MGAT4C: variants seen among roughly 807,000 people sequenced by gnomAD.
MGAT4C encodes MGAT4 family member C, also known as alpha-1,3-mannosyl-glycoprotein 4-beta-N-acetylglucosaminyltransferase C.
MGAT4C carries 19 observed loss-of-function variants against 40.1 expected under a neutral mutation model. That is an observed-to-expected ratio of 0.47 (90% CI 0.33 to 0.70). The LOEUF is 0.70. MGAT4C is among the 30% of genes least tolerant of loss of function. The pLI is 0.02. For missense variants in MGAT4C, 491 were observed against 563.2 expected (o/e 0.87, Z 1.30); for synonymous variants, 181 against 187.1 (o/e 0.97, Z 0.27).
intron 2 of MGAT4C, among the ~76,000 whole-genome samples, chr12:86,702,193 C>A (rs1300136383): frequency 6.7e-6 from 1 of 148,614 alleles, no homozygotes; most frequent in African/African-American, 2.4e-5. Flanking sequence ...TGCCACCACA[C>A]CCACACACCC....
intron 3 of MGAT4C, among the ~76,000 whole-genome samples, chr12:86,369,280 T>A (rs1955671839): frequency 1.3e-5 from 2 of 152,076 alleles, no homozygotes; most frequent in Non-Finnish European, 2.9e-5. Flanking sequence ...AGACAGCATA[T>A]AGTGGGATCT....
intron 1 of MGAT4C, among the ~76,000 whole-genome samples, chr12:86,147,443 G>A (rs917988553): frequency 4.6e-5 from 7 of 152,032 alleles, no homozygotes; most frequent in African/African-American, 9.7e-5. Flanking sequence ...GGGTTTCACC[G>A]TGTTAGCCAG....
chr12:86,786,371 T>C (rs948307189), intron 1 of MGAT4C, among the ~76,000 whole-genome samples: 2 of 152,108 alleles, frequency 1.3e-5, no homozygotes, highest in Admixed American at 6.6e-5. Flanking sequence ...ATAGTAGAAA[T>C]TGAGCTTTGA....
At chr12:86,632,585 G>A (rs1475213253) in intron 2 of MGAT4C, among the ~76,000 whole-genome samples, 1 of 152,026 alleles carries the variant, frequency 6.6e-6, no homozygotes, top group African/African-American at 2.4e-5. Flanking sequence ...CCATAAAAAA[G>A]GATGAGTTCA....
intron 2 of MGAT4C, among the ~76,000 whole-genome samples, chr12:86,010,303 A>G (rs1888329035): frequency 3.3e-5 from 5 of 152,222 alleles, no homozygotes; most frequent in Admixed American, 2.0e-4. Context: ...ACAAAACTGC[A>G]AGAGTTCCTA....
At chr12:86,061,485 T>C (rs1370357311) in intron 1 of MGAT4C, among the ~76,000 whole-genome samples, 3 of 135,580 alleles carry the variant, frequency 2.2e-5, no homozygotes, top group South Asian at 2.5e-4. Flanking sequence ...TTTTTTTTTT[T>C]CCATGCCCCA....
At chr12:86,815,475 T>C (rs1255921490) in intron 1 of MGAT4C, among the ~76,000 whole-genome samples, 1 of 150,650 alleles carries the variant, frequency 6.6e-6, no homozygotes, top group Non-Finnish European at 1.5e-5. Flanking sequence ...TACCATTTGA[T>C]CCAACAATCC....
At chr12:86,068,277 T>C (rs527824250) in intron 1 of MGAT4C, 114 of 152,324 alleles carry the variant, frequency 7.5e-4, no homozygotes, top group African/African-American at 2.4e-3. Flanking sequence ...CTACTCTTCA[T>C]GTCTTAATCT....
chr12:86,338,826 GCACA>G (rs1170231597), intron 3 of MGAT4C, among the ~76,000 whole-genome samples: 1 of 151,838 alleles, frequency 6.6e-6, no homozygotes, highest in Non-Finnish European at 1.5e-5. Context: ...AGGCATGGTG[GCACA>G]CACCTGTAGT....
At chr12:86,130,646 G>GAAGT (rs1321592280) in intron 1 of MGAT4C, among the ~76,000 whole-genome samples, 5 of 151,870 alleles carry the variant, frequency 3.3e-5, no homozygotes, top group Admixed American at 3.3e-4. Context: ...GACTCCAGTA[G>GAAGT]AAGTAATGTT....
chr12:86,067,788 A>G (rs1370349889), intron 1 of MGAT4C, among the ~76,000 whole-genome samples: 1 of 152,154 alleles, frequency 6.6e-6, no homozygotes, highest in African/African-American at 2.4e-5. Flanking sequence ...ATGACATTAG[A>G]CCATCTTTTT....
intron 3 of MGAT4C, among the ~76,000 whole-genome samples, chr12:86,408,479 CTATATATATATA>C (rs71076198): frequency 5.7e-4 from 36 of 63,342 alleles, no homozygotes; most frequent in East Asian, 3.4e-3. Flanking sequence ...CTCTCTCTCT[CTATATATATATA>C]TATATATATA....
intron 2 of MGAT4C, among the ~76,000 whole-genome samples, chr12:86,010,013 C>T (rs964449630): frequency 6.6e-6 from 1 of 151,988 alleles, no homozygotes; most frequent in African/African-American, 2.4e-5. Context: ...AAAAATCACT[C>T]GATCACTTGA....
At chr12:86,639,724 T>C (rs1423124330) in intron 2 of MGAT4C, among the ~76,000 whole-genome samples, 4 of 151,752 alleles carry the variant, frequency 2.6e-5, no homozygotes, top group South Asian at 2.1e-4. Context: ...CCAATAGGAA[T>C]GGAGAAAATC....
rs144136534 is a variant in MGAT4C, at chr12:86,241,711, C to T, written c.-57+14528G>A. ...TTGCAGGCTGGCCTCAGATACTAGA[C>T]CTGTTTGACTGCTTTATGTGGGAAA... On this transcript the variant is annotated intron_variant, in intron 1 of 4. Coordinates refer to ENST00000611864, the MANE Select transcript of MGAT4C (RefSeq NM_001351288.2). 1.5e-4 allele frequency among the ~76,000 whole-genome samples: 23 copies of T among 152,204 alleles called. No homozygotes were observed. The East Asian group carries it at 4.5e-3, about 30-fold the overall frequency.
intron 3 of MGAT4C, among the ~76,000 whole-genome samples, chr12:86,386,120 C>T (rs959260506): frequency 2.0e-5 from 3 of 151,928 alleles, no homozygotes; most frequent in East Asian, 3.9e-4. Flanking sequence ...TTAGTAGAGA[C>T]GGGGTTTCAC....
At chr12:86,576,624 T>C (rs1960568769) in intron 2 of MGAT4C, among the ~76,000 whole-genome samples, 1 of 151,970 alleles carries the variant, frequency 6.6e-6, no homozygotes, top group South Asian at 2.1e-4. Context: ...AAAAATGAGT[T>C]CACTGTAGGT....
intron 1 of MGAT4C, among the ~76,000 whole-genome samples, chr12:86,088,723 T>C (rs982991442): frequency 1.3e-5 from 2 of 151,828 alleles, no homozygotes; most frequent in Non-Finnish European, 1.5e-5. Context: ...ATAGGGCTAC[T>C]ATTAAAAGTG....
At chr12:86,817,093 A>G (rs1488157067) in intron 1 of MGAT4C, among the ~76,000 whole-genome samples, 1 of 150,500 alleles carries the variant, frequency 6.6e-6, no homozygotes, top group Non-Finnish European at 1.5e-5. Context: ...TGTTACATTA[A>G]TTTTCAAGCA....
Sources: gnomAD v4.1 joint callset for allele counts (sites outside exome capture counted in the v4.1 genomes callset) on GRCh38, gnomAD v4.1.1 for gene constraint, MANE v1.5 for transcripts, NCBI Gene and HGNC (gene_info 2026-07-23, HGNC 2026-07-21) for gene names.